Variants in RALGPS1 observed in about 807,000 individuals in gnomAD.
RALGPS1 encodes ras-specific guanine nucleotide-releasing factor RalGPS1.
A neutral mutation model predicts 78.8 loss-of-function variants in RALGPS1; 19 were observed. That is an observed-to-expected ratio of 0.24 (90% CI 0.17 to 0.35). RALGPS1 has a LOEUF of 0.35. Among genes scored for constraint, RALGPS1 ranks in the 10% least tolerant of loss-of-function variants. The probability of loss-of-function intolerance (pLI) is 1.00; values close to 1 mark genes in which losing one functional copy is unlikely to be tolerated. For missense variants in RALGPS1, 454 were observed against 688.3 expected (o/e 0.66, Z 3.81); for synonymous variants, 228 against 256.3 (o/e 0.89, Z 1.06).
intron 1 of RALGPS1, among the ~76,000 whole-genome samples, chr9:126,917,149 A>T (rs1709099892): frequency 6.6e-6 from 1 of 151,944 alleles, no homozygotes; most frequent in Admixed American, 6.6e-5. Flanking sequence ...ACCCAGTAGC[A>T]TTGAGGGGAT....
At chr9:126,985,714 C>A (rs115976402) in intron 4 of RALGPS1, among the ~76,000 whole-genome samples, 194 of 152,074 alleles carry the variant, frequency 1.3e-3, no homozygotes, top group African/African-American at 4.5e-3. Context: ...ACTTACATAC[C>A]CAAGTGGGCC....
intron 8 of RALGPS1, chr9:127,108,638 C>T (rs1208913602): frequency 1.9e-6 from 3 of 1,613,778 alleles, no homozygotes; most frequent in South Asian, 2.2e-5. Flanking sequence ...GGCGAGCCCT[C>T]CTCAGTGCCC....
intron 11 of RALGPS1, chr9:127,178,099 A>C (rs1006174294): frequency 5.1e-6 from 6 of 1,171,870 alleles, no homozygotes; most frequent in Non-Finnish European, 5.9e-6. Context: ...AGTGTTACCA[A>C]TCCCAGGGAT....
intron 1 of RALGPS1, among the ~76,000 whole-genome samples, chr9:126,931,264 A>G (rs1480691481): frequency 6.6e-6 from 1 of 152,204 alleles, no homozygotes; most frequent in African/African-American, 2.4e-5. Flanking sequence ...TGTAATCTAC[A>G]CTCAGGGAAG....
chr9:127,124,219 T>C (rs1185550099), intron 8 of RALGPS1, among the ~76,000 whole-genome samples: 5 of 152,212 alleles, frequency 3.3e-5, no homozygotes, highest in Non-Finnish European at 7.3e-5. Context: ...TGGCACCACC[T>C]GACTTCTGAG....
intron 4 of RALGPS1, among the ~76,000 whole-genome samples, chr9:126,980,074 AAT>A (rs1251296640): frequency 6.6e-6 from 1 of 152,340 alleles, no homozygotes; most frequent in East Asian, 1.9e-4. Context: ...GTTAGCTAAA[AAT>A]GGAAGAGTTT....
chr9:127,028,651 G>T (rs1341699393), intron 4 of RALGPS1, among the ~76,000 whole-genome samples: 2 of 152,304 alleles, frequency 1.3e-5, no homozygotes, highest in South Asian at 2.1e-4. Flanking sequence ...CCACTGCTCA[G>T]CGCTGCCTTT....
At chr9:127,036,867 T>C (rs565598096) in intron 5 of RALGPS1, among the ~76,000 whole-genome samples, 4 of 152,362 alleles carry the variant, frequency 2.6e-5, no homozygotes, top group East Asian at 3.9e-4. Flanking sequence ...TGCAGAGATA[T>C]ACAAATTTGC....
chr9:127,194,879 C>T (rs1474122841), intron 11 of RALGPS1, among the ~76,000 whole-genome samples: 2 of 152,180 alleles, frequency 1.3e-5, no homozygotes, highest in Non-Finnish European at 1.5e-5. Context: ...TGGTTGTCAG[C>T]CTTGGGAGTC....
At chr9:127,210,544 C>T (rs567611854) in intron 14 of RALGPS1, 25 of 624,852 alleles carry the variant, frequency 4.0e-5, no homozygotes, top group Admixed American at 7.8e-5. Context: ...GTAGTGTGGC[C>T]GAGGAGGCTG....
At chr9:127,146,332 T>C (rs1393101248) in intron 8 of RALGPS1, among the ~76,000 whole-genome samples, 3 of 152,214 alleles carry the variant, frequency 2.0e-5, no homozygotes, top group Non-Finnish European at 4.4e-5. Flanking sequence ...TATTTGCTTT[T>C]CTTTCCTGTG....
At chr9:126,928,149 C>T (rs1402090403) in intron 1 of RALGPS1, among the ~76,000 whole-genome samples, 1 of 152,152 alleles carries the variant, frequency 6.6e-6, no homozygotes, top group Non-Finnish European at 1.5e-5. Flanking sequence ...TCTGAGAGGT[C>T]CAGTGGGAAA....
intron 9 of RALGPS1, among the ~76,000 whole-genome samples, chr9:127,167,657 A>G (rs2059362349): frequency 6.6e-6 from 1 of 152,218 alleles, no homozygotes; most frequent in Non-Finnish European, 1.5e-5. Flanking sequence ...CTCACTTCAG[A>G]GAGAGGACAC....
At chr9:126,989,413 A>G (rs2042085793) in intron 4 of RALGPS1, among the ~76,000 whole-genome samples, 1 of 152,220 alleles carries the variant, frequency 6.6e-6, no homozygotes, top group South Asian at 2.1e-4. Flanking sequence ...GTGGGAGAGC[A>G]TACAGCAGCG....
chr9:126,952,675 G>GTGTGTGTGTGTGTGTC (rs1389201158), intron 1 of RALGPS1, among the ~76,000 whole-genome samples: 2 of 106,604 alleles, frequency 1.9e-5, no homozygotes, highest in Non-Finnish European at 4.7e-5. Context: ...GTGTGTGTGT[G>GTGTGTGTGTGTGTGTC]TGTGTCTGTG....
chr9:126,974,488 C>A (rs1453722855), intron 3 of RALGPS1, among the ~76,000 whole-genome samples: 1 of 152,146 alleles, frequency 6.6e-6, no homozygotes, highest in East Asian at 1.9e-4. Context: ...ATTTAGTCAG[C>A]CACTGTTAGA....
chr9:127,211,637 C>T lies in RALGPS1; in HGVS notation c.1248-494C>T, dbSNP rs2062266787. Among the ~76,000 whole-genome samples, 1 of 152,052 alleles carries T rather than the reference C, an allele frequency of 6.6e-6. No individual in the cohort carries two copies. The highest frequency in any genetic ancestry group is 2.4e-5 in the African/African-American group (1 of 41,388). The stretch of plus-strand genomic sequence containing the variant: ...CCCAAGGGAGAGGGTGAGTGAAGAG[C>T]CCGGGAAAGATGTGGGGAATGGTGC... On this transcript the variant is annotated intron_variant, in intron 14 of 18. Transcript: ENST00000259351. This position sits in a 1 kb window ranked among gnomAD's most constrained non-coding sequence, Gnocchi z 5.0.
At chr9:126,919,228 A>G (rs192999093) in intron 1 of RALGPS1, among the ~76,000 whole-genome samples, 2 of 152,204 alleles carry the variant, frequency 1.3e-5, no homozygotes, top group East Asian at 3.9e-4. Flanking sequence ...CTTCTTAATA[A>G]ATGTTTTTGA....
intron 11 of RALGPS1, among the ~76,000 whole-genome samples, chr9:127,187,572 C>T (rs993468377): frequency 1.3e-5 from 2 of 152,240 alleles, no homozygotes; most frequent in Non-Finnish European, 2.9e-5. Context: ...ATTACTACCA[C>T]AACACCAGGT....
Sources: gnomAD v4.1 joint callset for allele counts (sites outside exome capture counted in the v4.1 genomes callset) on GRCh38, gnomAD v4.1.1 for gene constraint, Gnocchi (gnomAD v3.1) non-coding constraint, MANE v1.5 for transcripts, NCBI Gene and HGNC (gene_info 2026-07-23, HGNC 2026-07-21) for gene names.